Variants in COX10 observed in about 807,000 individuals in gnomAD.
The protein encoded by COX10 is protoheme IX farnesyltransferase, mitochondrial.
A neutral mutation model predicts 37.3 loss-of-function variants in COX10; 27 were observed. The observed-to-expected ratio is 0.72, with a 90% CI of 0.53 to 1.00. The LOEUF is 1.00. COX10 is among the 50% of genes least tolerant of loss of function. The pLI, the probability that COX10 is intolerant of heterozygous loss-of-function variation, is 0.00. For missense variants in COX10, 475 were observed against 563.2 expected (o/e 0.84, Z 1.59); for synonymous variants, 222 against 229.1 (o/e 0.97, Z 0.28).
chr17:14,191,052 T>C (rs1258400253), intron 5 of COX10, among the ~76,000 whole-genome samples: 3 of 152,110 alleles, frequency 2.0e-5, no homozygotes, highest in Admixed American at 1.3e-4. Context: ...AGTGGAATTA[T>C]GGCTTCTGCT....
intron 5 of COX10, among the ~76,000 whole-genome samples, chr17:14,186,834 A>G (rs2529635): frequency 0.013 from 1,834 of 143,402 alleles, 9 homozygotes; most frequent in East Asian, 0.086. Flanking sequence ...TGTGCCCCAC[A>G]TACAGTTGGG....
intron 3 of COX10, among the ~76,000 whole-genome samples, chr17:14,080,970 T>C (rs2142185415): frequency 6.6e-6 from 1 of 152,364 alleles, no homozygotes. Flanking sequence ...TATTCTCTAA[T>C]GCTTTGAAGC....
rs1415484155 is a variant in COX10, at chr17:14,086,396, A to G, written c.499+9340A>G. On this transcript the variant is annotated intron_variant, in intron 3 of 6. Transcript: ENST00000261643. ...TAATAAATCATTAACCAGTGTTTGA[A>G]TGTTCTATTCACAAAGAGTTTGTGA... Among the ~76,000 whole-genome samples the G allele has an allele frequency of 2.0e-5, 3 of 152,242 alleles. No individual in the cohort carries two copies. The East Asian group carries it at 5.8e-4, about 29-fold the overall frequency.
chr17:14,147,297 A>C (rs1567601612), intron 4 of COX10, among the ~76,000 whole-genome samples: 1 of 152,220 alleles, frequency 6.6e-6, no homozygotes, highest in Non-Finnish European at 1.5e-5. Flanking sequence ...ACTTATACAC[A>C]GTGGAGTACT....
chr17:14,074,875 A>G (rs1915105844), intron 2 of COX10, among the ~76,000 whole-genome samples: 2 of 152,236 alleles, frequency 1.3e-5, no homozygotes, highest in Admixed American at 1.3e-4. Flanking sequence ...CTTTTTTAAC[A>G]GTTGCACTTC....
At chr17:14,119,956 A>G (rs552939695) in intron 4 of COX10, among the ~76,000 whole-genome samples, 17 of 152,300 alleles carry the variant, frequency 1.1e-4, no homozygotes, top group South Asian at 6.2e-4. Context: ...GCCTTTTGCC[A>G]TGCTCTAGAC....
At chr17:14,105,206 GTGTGTA>G (rs1287184272) in intron 4 of COX10, among the ~76,000 whole-genome samples, 1 of 152,188 alleles carries the variant, frequency 6.6e-6, no homozygotes. Flanking sequence ...ATGTCAGTCA[GTGTGTA>G]TGTCAGTAAA....
intron 4 of COX10, among the ~76,000 whole-genome samples, chr17:14,151,701 C>T (rs866509478): frequency 1.1e-4 from 16 of 152,184 alleles, no homozygotes; most frequent in African/African-American, 3.6e-4. Flanking sequence ...AATTAAAGTA[C>T]ATATATCAAG....
intron 5 of COX10, among the ~76,000 whole-genome samples, chr17:14,184,772 A>G (rs911367017): frequency 1.4e-4 from 22 of 152,082 alleles, no homozygotes; most frequent in Non-Finnish European, 2.2e-4. Context: ...GGCCGCAGTC[A>G]GCACTGGAGT....
intron 4 of COX10, among the ~76,000 whole-genome samples, chr17:14,152,159 T>A (rs750938189): frequency 6.6e-6 from 1 of 152,134 alleles, no homozygotes; most frequent in Non-Finnish European, 1.5e-5. Context: ...CTATGCAGGA[T>A]ATAAGGGCTG....
intron 3 of COX10, among the ~76,000 whole-genome samples, chr17:14,100,991 G>A (rs1417025427): frequency 1.3e-5 from 2 of 152,102 alleles, no homozygotes; most frequent in Admixed American, 6.6e-5. Context: ...ACCCTCCCCT[G>A]CAATCAAAAG....
intron 5 of COX10, among the ~76,000 whole-genome samples, chr17:14,172,748 T>C (rs1293546832): frequency 6.6e-6 from 1 of 152,018 alleles, no homozygotes; most frequent in Non-Finnish European, 1.5e-5. Context: ...TAGGTAATTT[T>C]TTTTTACTTT....
chr17:14,122,745 C>T (rs961434070), intron 4 of COX10, among the ~76,000 whole-genome samples: 1 of 152,126 alleles, frequency 6.6e-6, no homozygotes, highest in South Asian at 2.1e-4. Context: ...ATGTTAAACA[C>T]GAGGTGACTG....
At chr17:14,154,357 C>T (rs879332703) in intron 4 of COX10, among the ~76,000 whole-genome samples, 9 of 152,024 alleles carry the variant, frequency 5.9e-5, no homozygotes, top group Non-Finnish European at 1.2e-4. Context: ...TTTTATATAC[C>T]GACTAGAGTG....
rs780577951 is a variant in COX10, at chr17:14,069,567, A to G, written c.-39A>G. ...GCCCAGCGTCCCGTGAGGAGAGAGG[A>G]CACAGGGATCCCGGGGAGCGGCCCC... is the stretch of plus-strand genomic sequence containing the variant. On this transcript the variant is annotated 5_prime_UTR_variant, in exon 1 of 7. Coordinates refer to ENST00000261643, the MANE Select transcript of COX10 (RefSeq NM_001303.4). The G allele has an allele frequency of 1.2e-6, 2 of 1,612,488 alleles. No homozygotes were observed. Among genetic ancestry groups the G allele is most frequent in the African/African-American group, 1.3e-5 (1 of 74,914 alleles).
At chr17:14,103,645 C>A (rs1439673601) in intron 4 of COX10, among the ~76,000 whole-genome samples, 1 of 152,006 alleles carries the variant, frequency 6.6e-6, no homozygotes, top group East Asian at 1.9e-4. Context: ...GCTCCTCCTC[C>A]CCTCTCATCC....
intron 4 of COX10, among the ~76,000 whole-genome samples, chr17:14,131,290 C>T (rs949218900): frequency 5.9e-5 from 9 of 151,878 alleles, no homozygotes; most frequent in South Asian, 2.1e-4. Context: ...GAAGACAATA[C>T]GCTACAACAG....
chr17:14,091,929 GTT>G (rs1915538330), intron 3 of COX10, among the ~76,000 whole-genome samples: 1 of 152,048 alleles, frequency 6.6e-6, no homozygotes, highest in Non-Finnish European at 1.5e-5. Flanking sequence ...GAAACTACAT[GTT>G]TCTGCTTCTT....
intron 3 of COX10, among the ~76,000 whole-genome samples, chr17:14,077,970 G>A (rs1915194216): frequency 6.8e-6 from 1 of 147,146 alleles, no homozygotes; most frequent in Non-Finnish European, 1.5e-5. Context: ...GAAATTCAAG[G>A]CAAAAGGAGG....
Sources: gnomAD v4.1 joint callset for allele counts (sites outside exome capture counted in the v4.1 genomes callset) on GRCh38, gnomAD v4.1.1 for gene constraint, MANE v1.5 for transcripts, NCBI Gene and HGNC (gene_info 2026-07-23, HGNC 2026-07-21) for gene names.